The following TNRC6A variants were observed in gnomAD, a reference collection of about 807,000 sequenced individuals.
TNRC6A encodes the protein trinucleotide repeat containing adaptor 6A.
A neutral mutation model predicts 221.2 loss-of-function variants in TNRC6A; 44 were observed. The observed-to-expected ratio is 0.20, with a 90% CI of 0.16 to 0.26. TNRC6A has a LOEUF of 0.26. Among genes scored for constraint, TNRC6A ranks in the 10% least tolerant of loss-of-function variants. The pLI, the probability that TNRC6A is intolerant of heterozygous loss-of-function variation, is 1.00. For missense variants in TNRC6A, 2,199 were observed against 2,404.4 expected, an observed-to-expected ratio of 0.91 and a Z score of 1.79; for synonymous variants, 847 against 838.5, an observed-to-expected ratio of 1.01 and a Z score of -0.18.
chr16:24,773,928 C>T (rs1396567697), intron 4 of TNRC6A, among the ~76,000 whole-genome samples: 8 of 151,432 alleles, frequency 5.3e-5, no homozygotes, highest in Admixed American at 2.0e-4. Flanking sequence ...TATTGTTTTT[C>T]CTTTCTTAGT....
At chr16:24,612,269 G>A (rs942098881) in intron 1 of TNRC6A, among the ~76,000 whole-genome samples, 3 of 152,102 alleles carry the variant, frequency 2.0e-5, no homozygotes, top group African/African-American at 4.8e-5. Flanking sequence ...AGCAGAATCC[G>A]CCGAGTGACT....
At position 24,793,744 on chromosome 16, in the gene TNRC6A, A is replaced by G. The variant is rs948291284; in HGVS notation, c.3352+95A>G. 12 of 1,044,174 alleles carry G rather than the reference A, an allele frequency of 1.1e-5. No homozygotes were observed. The African/African-American group carries it at 1.5e-4, about 13-fold the overall frequency. The allele number at this position is 1,044,174 out of a possible 1,614,324, so 64.7% of individuals were successfully genotyped here. The stretch of plus-strand genomic sequence containing the variant: ...ATTAGATAAGGTTTCTATGTTATTT[A>G]TAATATATTCATATAATGTAACATG... On this transcript the variant is annotated intron_variant, in intron 7 of 24. Transcript: ENST00000395799.
chr16:24,724,905 G>A (rs539555214), upstream of TNRC6A, among the ~76,000 whole-genome samples: 43 of 152,128 alleles, frequency 2.8e-4, no homozygotes, highest in African/African-American at 5.1e-4. Context: ...TAAAGCCTTG[G>A]GAGGAAAACA....
At chr16:24,770,600 G>A (rs1478766245) in intron 4 of TNRC6A, among the ~76,000 whole-genome samples, 1 of 152,166 alleles carries the variant, frequency 6.6e-6, no homozygotes, top group South Asian at 2.1e-4. Context: ...AGATAGTTAA[G>A]CCATTACCTA....
chr16:24,810,063 T>G (rs772372958), intron 18 of TNRC6A, among the ~76,000 whole-genome samples: 6 of 152,234 alleles, frequency 3.9e-5, no homozygotes, highest in Non-Finnish European at 7.3e-5. Flanking sequence ...TCCATCTGCC[T>G]TGGTCTCCCA....
chr16:24,803,371 A>G (rs188122084), intron 11 of TNRC6A: 1 of 152,204 alleles, frequency 6.6e-6, no homozygotes, highest in Admixed American at 6.5e-5. Flanking sequence ...GTGAGCCAAG[A>G]TCACACCACT....
rs766064851 is a variant in TNRC6A, at chr16:24,729,678, GCGGTGT to G, written c.-160_-155del. 8 of 728,066 alleles carry G rather than the reference GCGGTGT, an allele frequency of 1.1e-5. No individual in the cohort carries two copies. Among genetic ancestry groups the G allele is most frequent in the African/African-American group, 2.0e-5 (1 of 50,438 alleles). The allele number at this position is 728,066 out of a possible 1,614,324, so 45.1% of individuals were successfully genotyped here. On this transcript the variant is annotated 5_prime_UTR_variant, in exon 1 of 25. Transcript: ENST00000395799. ...TTCCGGTCTGGGGCCTGCGGCGGCG[GCGGTGT>G]CGGCGGCGGCGGCGGCGGCGGCGGC...
chr16:24,773,060 A>G (rs1306313235), intron 4 of TNRC6A, among the ~76,000 whole-genome samples: 2 of 152,170 alleles, frequency 1.3e-5, no homozygotes, highest in African/African-American at 4.8e-5. Flanking sequence ...TCATAGAAGC[A>G]TGCCTTGGAT....
chr16:24,657,644 G>T (rs969467186), intron 2 of TNRC6A, among the ~76,000 whole-genome samples: 1 of 151,528 alleles, frequency 6.6e-6, no homozygotes, highest in Non-Finnish European at 1.5e-5. Context: ...AGGAGGCAGA[G>T]GTTGCAGTGA....
At chr16:24,743,442 C>T (rs1213176195) in intron 2 of TNRC6A, among the ~76,000 whole-genome samples, 2 of 152,060 alleles carry the variant, frequency 1.3e-5, no homozygotes, top group South Asian at 2.1e-4. Context: ...CTTCCCGCCT[C>T]ATCCTCTCGA....
chr16:24,735,889 G>T (rs1182754822), intron 2 of TNRC6A, among the ~76,000 whole-genome samples: 1 of 152,202 alleles, frequency 6.6e-6, no homozygotes, highest in Admixed American at 6.5e-5. Flanking sequence ...AATTGGCCGG[G>T]CACAGTGGCT....
rs2152122500 is a variant in TNRC6A, at chr16:24,823,807, A to G, written c.5889A>G (p.Ter1963=). 1 of 1,454,482 alleles carries G rather than the reference A, an allele frequency of 6.9e-7. No individual in the cohort carries two copies. The highest frequency in any genetic ancestry group is 2.6e-5 in the East Asian group (1 of 38,862). The allele number at this position is 1,454,482 out of a possible 1,614,324, so 90.1% of individuals were successfully genotyped here. Residue 1963 remains the stop codon, a stop_retained_variant, in exon 25 of 25, where the codon TAA becomes TAG. Coordinates refer to ENST00000395799, the MANE Select transcript of TNRC6A (RefSeq NM_014494.4). The surrounding 1 kb of genome is among the most constrained non-coding windows in gnomAD (Gnocchi z 4.3). ...TGGGTGGGGGTGGAGAGTCCATGTA[A>G]CAGTGTAGATGCAGACTCACCGACC... ...DHLGGGGESM[*] is the part of the protein sequence containing the mutation.
At chr16:24,738,246 T>C (rs2056814568) in intron 2 of TNRC6A, among the ~76,000 whole-genome samples, 1 of 152,234 alleles carries the variant, frequency 6.6e-6, no homozygotes, top group Non-Finnish European at 1.5e-5. Context: ...TCTCTGAATG[T>C]ACCTTTCAGT....
intron 1 of TNRC6A, among the ~76,000 whole-genome samples, chr16:24,639,226 T>C (rs1263948673): frequency 6.6e-6 from 1 of 152,180 alleles, no homozygotes; most frequent in Non-Finnish European, 1.5e-5. Context: ...AGCTCATGCC[T>C]GTGATTCCAA....
chr16:24,635,417 A>G (rs11641433), intron 1 of TNRC6A, among the ~76,000 whole-genome samples: 104,722 of 151,736 alleles, frequency 0.69, 37,519 homozygotes, highest in African/African-American at 0.88. Context: ...TGAGTAGCTG[A>G]GATTACAGGA....
chr16:24,798,055 C>A, intron 11 of TNRC6A, 89 bp downstream of exon 11: 1 of 1,182,078 alleles, frequency 8.5e-7, no homozygotes, highest in Non-Finnish European at 1.2e-6. Context: ...TGACGTAGAT[C>A]AGGACAGGGG....
chr16:24,691,036 T>C (rs2142128927), intron 2 of TNRC6A, among the ~76,000 whole-genome samples: 1 of 152,148 alleles, frequency 6.6e-6, no homozygotes, highest in Non-Finnish European at 1.5e-5. Context: ...CGTCTCGATC[T>C]CCTGACCTCG....
intron 11 of TNRC6A, among the ~76,000 whole-genome samples, chr16:24,800,919 C>A (rs76645377): frequency 6.6e-6 from 1 of 152,144 alleles, no homozygotes; most frequent in Non-Finnish European, 1.5e-5. Flanking sequence ...CTGACAAAGC[C>A]TCAGTACCAG....
chr16:24,750,457 A>T (rs183188978), intron 2 of TNRC6A, among the ~76,000 whole-genome samples: 1 of 152,220 alleles, frequency 6.6e-6, no homozygotes, highest in Admixed American at 6.5e-5. Context: ...TTGTTTCCCA[A>T]TGTAAAATTT....
Sources: gnomAD v4.1 joint callset for allele counts (sites outside exome capture counted in the v4.1 genomes callset) on GRCh38, gnomAD v4.1.1 for gene constraint, Gnocchi (gnomAD v3.1) non-coding constraint, MANE v1.5 for transcripts, NCBI Gene and HGNC (gene_info 2026-07-23, HGNC 2026-07-21) for gene names.